Variants in RDX observed in about 807,000 individuals in gnomAD.
RDX encodes the protein radixin.
A neutral mutation model predicts 83.7 loss-of-function variants in RDX; 32 were observed. That is an observed-to-expected ratio of 0.38 (90% CI 0.29 to 0.51). The LOEUF (loss-of-function observed/expected upper bound fraction) is 0.51. Among genes scored for constraint, RDX ranks in the 20% least tolerant of loss-of-function variants. The pLI is 0.87. For missense variants in RDX, 600 were observed against 689.9 expected (o/e 0.87, Z 1.46); for synonymous variants, 229 against 222.7 (o/e 1.03, Z -0.25).
chr11:110,279,139 T>C, intron 2 of RDX, among the ~76,000 whole-genome samples: 2 of 152,332 alleles, frequency 1.3e-5, no homozygotes, highest in South Asian at 4.2e-4. Context: ...ACTAAATATA[T>C]ATCAGATTCT....
At chr11:110,204,909 T>C (rs1863548081) in intron 14 of RDX, among the ~76,000 whole-genome samples, 1 of 152,214 alleles carries the variant, frequency 6.6e-6, no homozygotes, top group South Asian at 2.1e-4. Context: ...CACGAATTTA[T>C]GCAGAAGAAC....
chr11:110,199,693 A>G, intron 14 of RDX: 1 of 703,048 alleles, frequency 1.4e-6, no homozygotes, highest in African/African-American at 1.7e-5. Context: ...CAAAAGAGAC[A>G]TTAAGAGATT....
intron 3 of RDX, among the ~76,000 whole-genome samples, chr11:110,269,665 G>A (rs906228750): frequency 2.6e-5 from 4 of 152,190 alleles, no homozygotes; most frequent in African/African-American, 9.6e-5. Flanking sequence ...CACTGCATTT[G>A]AGTTCAAGGA....
Position 110,230,579 on chromosome 11 carries a change from TAC to T in RDX, c.*1288_*1289del, listed in dbSNP as rs61030269. ...TTCTCTCTCTCATACACACACAGAGTACACACACACACACACACACACACACA... is the reference window on the plus strand; with the variant it reads ...TTCTCTCTCTCATACACACACAGAGTACACACACACACACACACACACACA... On this transcript the variant is annotated 3_prime_UTR_variant, in exon 14 of 14. Transcript: ENST00000645495. 3,341 of 146,978 alleles carry T rather than the reference TAC, an allele frequency of 0.023. 66 individuals carry two copies. Among genetic ancestry groups the T allele is most frequent in the East Asian group, 0.074 (365 of 4,900 alleles). The allele number at this position is 146,978 out of a possible 1,614,324, so 9.1% of individuals were successfully genotyped here.
At chr11:110,253,790 G>A (rs1042798989) in intron 9 of RDX, 156 bp downstream of exon 9, 83 of 684,460 alleles carry the variant, frequency 1.2e-4, no homozygotes, top group South Asian at 1.1e-3. Context: ...ATACATACTC[G>A]TTTTAAAGGA....
intron 15 of RDX, among the ~76,000 whole-genome samples, chr11:110,180,635 G>A (rs1354115914): frequency 1.3e-5 from 2 of 149,790 alleles, no homozygotes; most frequent in Non-Finnish European, 2.9e-5. Flanking sequence ...CAGTCTGTGT[G>A]CATGCTCCTA....
intron 9 of RDX, among the ~76,000 whole-genome samples, chr11:110,253,214 T>A (rs1328053339): frequency 6.6e-6 from 1 of 152,132 alleles, no homozygotes; most frequent in East Asian, 1.9e-4. Flanking sequence ...AATACATATG[T>A]TTAGGGCTCT....
At chr11:110,283,705 A>T (rs1465391021) in intron 1 of RDX, among the ~76,000 whole-genome samples, 1 of 152,148 alleles carries the variant, frequency 6.6e-6, no homozygotes, top group Admixed American at 6.6e-5. Flanking sequence ...ATGTTTTTTT[A>T]AAAATAATCT....
At chr11:110,201,177 C>CAA (rs34428422) in intron 14 of RDX, among the ~76,000 whole-genome samples, 37 of 81,964 alleles carry the variant, frequency 4.5e-4, no homozygotes, top group East Asian at 6.8e-4. Context: ...ACTCCCGTCT[C>CAA]AAAAAAAAAA....
rs767965188 is a variant in RDX, at chr11:110,237,541, G to A, written c.1202C>T (p.Ser401Phe). Residue 401 changes from serine to phenylalanine, a missense_variant, in exon 11 of 14, where the codon TCT (serine) becomes TTT (phenylalanine). Ser to Phe is a radical substitution (Grantham distance 155). Transcript: ENST00000645495. ...KERRAAEEAK[S>F]AIAKQAADQM... ...GTCGGCAGCTTGTTTTGCTATGGCA[G>A]ACTTTGCCTCTTCAGCAGCTCGACG... is the stretch of plus-strand genomic sequence containing the variant. The A allele has an allele frequency of 6.2e-6, 10 of 1,613,310 alleles. No homozygotes were observed. Among genetic ancestry groups the A allele is most frequent in the Non-Finnish European group, 8.5e-6 (10 of 1,180,044 alleles).
At chr11:110,295,642 G>GAAAAAAAA (rs370760081) in intron 1 of RDX, among the ~76,000 whole-genome samples, 7 of 122,244 alleles carry the variant, frequency 5.7e-5, no homozygotes, top group African/African-American at 2.2e-4. Flanking sequence ...TGTTTAAACT[G>GAAAAAAAA]AAAAAAAAAA....
intron 3 of RDX, among the ~76,000 whole-genome samples, chr11:110,267,659 G>T (rs1406993515): frequency 6.6e-6 from 1 of 151,224 alleles, no homozygotes; most frequent in African/African-American, 2.4e-5. Context: ...TCACTGAAAT[G>T]ACAGAAAAAA....
At position 110,231,912 on chromosome 11, in the gene RDX, T is replaced by C; in HGVS notation, c.1709A>G (p.Gln570Arg). The change falls in exon 14 of 14, where the codon CAA (glutamine) becomes CGA (arginine). Residue 570 changes from glutamine to arginine, a missense_variant. By Grantham distance (43) the Gln-to-Arg change is conservative. Coordinates refer to ENST00000645495, the MANE Select transcript of RDX (RefSeq NM_002906.4). Reference sequence around the variant, plus strand: ...ATCGATACGCTGCTTTGTATTGCCTTGTCGAATCTGTCGCAGAGTCTTGTA... The same window carrying C: ...ATCGATACGCTGCTTTGTATTGCCTCGTCGAATCTGTCGCAGAGTCTTGTA... ...DKYKTLRQIR[Q>R]GNTKQRIDEF... 2 of 1,613,500 alleles carry C rather than the reference T, an allele frequency of 1.2e-6. No individual in the cohort carries two copies. The highest frequency in any genetic ancestry group is 1.1e-5 in the South Asian group (1 of 91,036).
chr11:110,258,340 C>A, intron 5 of RDX, 151 bp from the exon 6 acceptor site: 1 of 610,230 alleles, frequency 1.6e-6, no homozygotes, highest in Non-Finnish European at 2.9e-6. Flanking sequence ...AAATTACATA[C>A]ACACAGAAAT....
intron 14 of RDX, among the ~76,000 whole-genome samples, chr11:110,215,362 C>CAAAA (rs998888063): frequency 0.013 from 1,647 of 125,586 alleles, 15 homozygotes; most frequent in Non-Finnish European, 0.016. Context: ...GACTCCATCT[C>CAAAA]AAAAAATAAA....
chr11:110,283,435 C>T (rs1051605668), intron 1 of RDX, among the ~76,000 whole-genome samples: 1 of 152,032 alleles, frequency 6.6e-6, no homozygotes, highest in South Asian at 2.1e-4. Context: ...AGATGTGAGC[C>T]ACCACACACA....
At chr11:110,290,957 C>A (rs1410795623) in intron 1 of RDX, among the ~76,000 whole-genome samples, 1 of 152,108 alleles carries the variant, frequency 6.6e-6, no homozygotes, top group Non-Finnish European at 1.5e-5. Context: ...TATGAGCTCA[C>A]TACATATGAC....
chr11:110,198,085 G>A (rs1863265667), intron 15 of RDX, among the ~76,000 whole-genome samples: 1 of 152,028 alleles, frequency 6.6e-6, no homozygotes, highest in Admixed American at 6.5e-5. Flanking sequence ...ACATAAATAA[G>A]TCTAAAACAT....
At chr11:110,265,433 T>C (rs2134384794) in intron 3 of RDX, among the ~76,000 whole-genome samples, 1 of 151,936 alleles carries the variant, frequency 6.6e-6, no homozygotes, top group South Asian at 2.1e-4. Context: ...TCCTCTTACT[T>C]GATCCACTTT....
Sources: allele counts gnomAD v4.1 joint callset (sites outside exome capture counted in the v4.1 genomes callset), GRCh38; gene constraint gnomAD v4.1.1; transcripts MANE v1.5; gene names NCBI Gene and HGNC (gene_info 2026-07-23, HGNC 2026-07-21).